Variants in CFAP77 observed in about 807,000 individuals in gnomAD.
CFAP77 encodes the protein cilia and flagella associated protein 77.
In CFAP77, 25 loss-of-function variants were observed where a neutral mutation model predicts 31.1. The observed-to-expected ratio is 0.80, with a 90% CI of 0.59 to 1.12. The LOEUF is 1.12. CFAP77 is among the 50% of genes most tolerant of loss of function. The probability of loss-of-function intolerance (pLI) is 0.00; values close to 1 mark genes in which losing one functional copy is unlikely to be tolerated. For synonymous variants in CFAP77, 151 were observed against 159.9 expected, an observed-to-expected ratio of 0.94 and a Z score of 0.42; for missense variants, 377 against 397.3, an observed-to-expected ratio of 0.95 and a Z score of 0.44.
intron 5 of CFAP77, among the ~76,000 whole-genome samples, chr9:132,553,768 A>G (rs1167989965): frequency 2.6e-5 from 4 of 152,270 alleles, no homozygotes; most frequent in African/African-American, 9.6e-5. Flanking sequence ...TCCATGCTGC[A>G]TTCTCTACCT....
chr9:132,435,422 G>A (rs1265542521), intron 1 of CFAP77, among the ~76,000 whole-genome samples: 1 of 152,174 alleles, frequency 6.6e-6, no homozygotes, highest in African/African-American at 2.4e-5. Context: ...ATCACCATGC[G>A]TAGCTTTAGT....
intron 1 of CFAP77, among the ~76,000 whole-genome samples, chr9:132,417,118 C>CTTTTTTTTT (rs142153092): frequency 7.2e-6 from 1 of 139,232 alleles, no homozygotes. Context: ...TTCTTTTTTT[C>CTTTTTTTTT]TTTTTTTTTT....
intron 3 of CFAP77, chr9:132,513,115 C>T: frequency 1.2e-6 from 1 of 805,996 alleles, no homozygotes; most frequent in South Asian, 2.2e-5. Flanking sequence ...ATAATAATCA[C>T]ATCGTGGAGA....
At chr9:132,475,375 G>A (rs1436701446) in intron 1 of CFAP77, among the ~76,000 whole-genome samples, 3 of 152,184 alleles carry the variant, frequency 2.0e-5, no homozygotes. Context: ...TTCTATGGCT[G>A]CATCTACCAC....
At chr9:132,530,765 A>T (rs1375543707) in intron 3 of CFAP77, among the ~76,000 whole-genome samples, 1 of 152,106 alleles carries the variant, frequency 6.6e-6, no homozygotes, top group African/African-American at 2.4e-5. Context: ...AAACGTTTTT[A>T]ATTCTGAGGA....
intron 1 of CFAP77, among the ~76,000 whole-genome samples, chr9:132,472,519 G>A (rs1167495154): frequency 6.6e-6 from 1 of 152,214 alleles, no homozygotes; most frequent in Non-Finnish European, 1.5e-5. Flanking sequence ...TGCTTTGAGA[G>A]GCCGAGGTGG....
At chr9:132,555,050 A>C (rs1462291838) in intron 5 of CFAP77, among the ~76,000 whole-genome samples, 4 of 152,160 alleles carry the variant, frequency 2.6e-5, no homozygotes, top group African/African-American at 9.7e-5. Context: ...TTTGGTGTCT[A>C]CTGGGTGCCT....
chr9:132,569,085 G>A lies in CFAP77; in HGVS notation c.733-3303G>A, dbSNP rs141571732. Among the ~76,000 whole-genome samples, 44 of 152,252 alleles carry A rather than the reference G, an allele frequency of 2.9e-4. 1 individual carries two copies. The highest frequency in any genetic ancestry group is 5.9e-5 in the Non-Finnish European group (4 of 68,016). On this transcript the variant is annotated intron_variant, in intron 5 of 5. Transcript: ENST00000393216. The stretch of plus-strand genomic sequence containing the variant: ...ATCAAATTTTACACATTAAATACAG[G>A]TTTTGCAGGTTAGGTAGATCAATCA...
Position 132,410,908 on chromosome 9 carries a change from A to G in CFAP77, c.195+442A>G, listed in dbSNP as rs192211308. ...TCCGCTGCACGCCTGGGGTACGTCT[A>G]TGCAGCGGTGGCTCCGTGTCTGTCC... On this transcript the variant is annotated intron_variant, in intron 1 of 5. Coordinates refer to ENST00000393216, the MANE Select transcript of CFAP77 (RefSeq NM_001282957.2). 1.6e-4 allele frequency among the ~76,000 whole-genome samples: 25 copies of G among 152,282 alleles called. No homozygotes were observed. In the East Asian group the frequency reaches 4.4e-3, roughly 27 times the overall value.
rs13288790 is a variant in CFAP77 at position 132,524,569 on chromosome 9, T to C, written c.525-13032T>C. 2.2e-3 allele frequency among the ~76,000 whole-genome samples: 335 copies of C among 152,020 alleles called. 1 individual carries two copies. Among genetic ancestry groups the C allele is most frequent in the Non-Finnish European group, 3.7e-3 (254 of 67,962 alleles). ...CGGAGGTTTCAGTGAGCAGGAATTG[T>C]GCCACTGCACTTCATCCTGGCCAAT... On this transcript the variant is annotated intron_variant, in intron 3 of 5. Coordinates refer to ENST00000393216, the MANE Select transcript of CFAP77 (RefSeq NM_001282957.2).
intron 3 of CFAP77, among the ~76,000 whole-genome samples, chr9:132,515,532 A>T (rs1852130406): frequency 6.6e-6 from 1 of 152,206 alleles, no homozygotes; most frequent in African/African-American, 2.4e-5. Flanking sequence ...TAAATATTTT[A>T]TGAGTCCCTA....
At chr9:132,467,576 G>GT (rs1851177591) in intron 1 of CFAP77, among the ~76,000 whole-genome samples, 1 of 152,188 alleles carries the variant, frequency 6.6e-6, no homozygotes. Context: ...GGGACTATAT[G>GT]TTGTTTGTTC....
chr9:132,483,768 A>G (rs1239140596), intron 1 of CFAP77, among the ~76,000 whole-genome samples: 1 of 152,118 alleles, frequency 6.6e-6, no homozygotes, highest in Non-Finnish European at 1.5e-5. Flanking sequence ...AGAAGAGAGC[A>G]CAGTCTCCTC....
rs146207700 is a variant in CFAP77, at chr9:132,436,237, A to G, written c.195+25771A>G. ...TCTTTCCTGGCCTCTCCCAGTTTCTAGTGGCTCCAGGTGTTCTTGACTTGT... is the reference window on the plus strand; with the variant it reads ...TCTTTCCTGGCCTCTCCCAGTTTCTGGTGGCTCCAGGTGTTCTTGACTTGT... On this transcript the variant is annotated intron_variant, in intron 1 of 5. Transcript: ENST00000393216. Among the ~76,000 whole-genome samples the G allele has an allele frequency of 3.4e-3, 515 of 152,250 alleles. 2 individuals carry two copies. The highest frequency in any genetic ancestry group is 0.011 in the African/African-American group (468 of 41,542).
At chr9:132,544,220 C>T (rs1353279363) in intron 5 of CFAP77, among the ~76,000 whole-genome samples, 2 of 152,356 alleles carry the variant, frequency 1.3e-5, no homozygotes, top group East Asian at 3.9e-4. Flanking sequence ...TGTCAATGAC[C>T]ATGCGCCCTG....
At chr9:132,519,632 G>A (rs1181878983) in intron 3 of CFAP77, among the ~76,000 whole-genome samples, 3 of 126,790 alleles carry the variant, frequency 2.4e-5, no homozygotes, top group Non-Finnish European at 5.0e-5. Flanking sequence ...GGGTGGGTAG[G>A]TGGATGGGCA....
At chr9:132,439,848 CAAA>C (rs1225152331) in intron 1 of CFAP77, among the ~76,000 whole-genome samples, 3 of 44,614 alleles carry the variant, frequency 6.7e-5, no homozygotes, top group Non-Finnish European at 9.5e-5. Context: ...GACTCCGTCT[CAAA>C]AAAAAAAAAA....
intron 5 of CFAP77, among the ~76,000 whole-genome samples, chr9:132,546,956 G>T (rs1852742622): frequency 6.6e-6 from 1 of 152,250 alleles, no homozygotes; most frequent in Non-Finnish European, 1.5e-5. Context: ...GGGAGGGGAT[G>T]GGGGCCCTTG....
At chr9:132,463,317 G>C (rs1411819962) in intron 1 of CFAP77, among the ~76,000 whole-genome samples, 2 of 152,184 alleles carry the variant, frequency 1.3e-5, no homozygotes, top group African/African-American at 4.8e-5. Context: ...TTGCGGTGTG[G>C]TTTTAGAGTG....
Sources: gnomAD v4.1 joint callset for allele counts (sites outside exome capture counted in the v4.1 genomes callset) on GRCh38, gnomAD v4.1.1 for gene constraint, MANE v1.5 for transcripts, NCBI Gene and HGNC (gene_info 2026-07-23, HGNC 2026-07-21) for gene names.